CSMD3: variants seen among roughly 807,000 people sequenced by gnomAD.
CSMD3 encodes the protein CUB and Sushi multiple domains 3, also known as CUB and sushi domain-containing protein 3.
CSMD3 carries 177 observed loss-of-function variants against 435.2 expected under a neutral mutation model. The ratio of observed to expected loss-of-function variants is 0.41; its 90% CI spans 0.36 to 0.46. The LOEUF is 0.46. CSMD3 is among the 20% of genes least tolerant of loss of function. The pLI is 0.34. For missense variants in CSMD3, 4,265 were observed against 4,504.6 expected, an observed-to-expected ratio of 0.95 and a Z score of 1.52; for synonymous variants, 1,656 against 1,520.5, an observed-to-expected ratio of 1.09 and a Z score of -2.07.
intron 13 of CSMD3, among the ~76,000 whole-genome samples, chr8:112,762,985 G>A (rs1201088582): frequency 6.6e-6 from 1 of 151,648 alleles, no homozygotes; most frequent in Non-Finnish European, 1.5e-5. Flanking sequence ...GCGATGTATT[G>A]TACCTGATGA....
intron 3 of CSMD3, among the ~76,000 whole-genome samples, chr8:113,193,181 G>A (rs1306485195): frequency 3.3e-5 from 5 of 150,930 alleles, no homozygotes; most frequent in Non-Finnish European, 7.4e-5. Flanking sequence ...ATTCCATCTC[G>A]TATTCGTATT....
At chr8:112,317,554 T>A (rs1822589213) in intron 47 of CSMD3, among the ~76,000 whole-genome samples, 1 of 152,022 alleles carries the variant, frequency 6.6e-6, no homozygotes, top group Non-Finnish European at 1.5e-5. Flanking sequence ...CCTAAAGGTC[T>A]AGAGAGTAGC....
intron 11 of CSMD3, among the ~76,000 whole-genome samples, chr8:112,848,377 T>C (rs1587468469): frequency 6.6e-6 from 1 of 152,158 alleles, no homozygotes; most frequent in African/African-American, 2.4e-5. Context: ...TTAAAGCACC[T>C]AGTAATTTCC....
At chr8:112,273,935 CAAA>C (rs76030401) in intron 59 of CSMD3, among the ~76,000 whole-genome samples, 1 of 79,286 alleles carries the variant, frequency 1.3e-5, no homozygotes, top group African/African-American at 4.8e-5. Context: ...AGGTAACATA[CAAA>C]AAAAAAAAAA....
intron 9 of CSMD3, among the ~76,000 whole-genome samples, chr8:112,923,504 T>C (rs1222096966): frequency 1.3e-5 from 2 of 152,154 alleles, no homozygotes; most frequent in African/African-American, 4.8e-5. Flanking sequence ...CTTGCTGTTA[T>C]ATCAATCTGG....
At chr8:113,296,589 A>C (rs947328702) in intron 2 of CSMD3, among the ~76,000 whole-genome samples, 1 of 152,102 alleles carries the variant, frequency 6.6e-6, no homozygotes, top group Non-Finnish European at 1.5e-5. Context: ...CAAATAAAAT[A>C]TTTGTTGAAA....
intron 22 of CSMD3, among the ~76,000 whole-genome samples, chr8:112,594,002 T>A (rs1338361372): frequency 2.6e-5 from 4 of 152,094 alleles, no homozygotes; most frequent in African/African-American, 9.7e-5. Flanking sequence ...AAAGGAATAG[T>A]ACAGGGGAGG....
chr8:113,376,744 C>T lies in CSMD3; in HGVS notation c.178+59933G>A, dbSNP rs749923523. ...TAAGAGCCAGGATATCTACCTGAGGCTGTCTGTCGGTCAAGCTGTACAGGT... is the reference window on the plus strand; with the variant it reads ...TAAGAGCCAGGATATCTACCTGAGGTTGTCTGTCGGTCAAGCTGTACAGGT... On this transcript the variant is annotated intron_variant, in intron 1 of 70. Transcript: ENST00000297405. 1.2e-5 allele frequency: 19 copies of T among 1,613,846 alleles called. No individual in the cohort carries two copies. The Admixed American group carries it at 2.0e-4, about 17-fold the overall frequency.
Position 112,313,911 on chromosome 8 carries a change from T to A in CSMD3, c.7691A>T (p.Tyr2564Phe). ...GNNKKGFRIR[Y>F]IAFYCSTPES... ...AAGTTATAAGTTTTACATACCTATA[T>A]ATCTTATCCGGAAGCCTTTTTTGTT... The change falls in exon 49 of 71, where the codon TAT becomes TTT. Residue 2564 changes from tyrosine (Y) to phenylalanine (F), a missense_variant. Transcript: ENST00000297405. 6.2e-7 allele frequency: 1 copy of A among 1,609,732 alleles called. No individual in the cohort carries two copies. The highest frequency in any genetic ancestry group is 8.5e-7 in the Non-Finnish European group (1 of 1,176,396).
At chr8:112,402,848 A>G (rs961614110) in intron 35 of CSMD3, among the ~76,000 whole-genome samples, 1 of 152,222 alleles carries the variant, frequency 6.6e-6, no homozygotes, top group Non-Finnish European at 1.5e-5. Flanking sequence ...ACAGACATAT[A>G]GAAACATTTC....
chr8:113,320,251 T>C (rs537977761), intron 1 of CSMD3, among the ~76,000 whole-genome samples: 3 of 152,088 alleles, frequency 2.0e-5, no homozygotes, highest in South Asian at 2.1e-4. Flanking sequence ...CCTTATATTA[T>C]GTTTTTCAGA....
chr8:113,067,340 A>G (rs555760012), intron 5 of CSMD3, among the ~76,000 whole-genome samples: 1 of 152,146 alleles, frequency 6.6e-6, no homozygotes, highest in Non-Finnish European at 1.5e-5. Flanking sequence ...CTTCTTAGAC[A>G]TATGAAATGT....
At chr8:113,343,770 C>G (rs2094134774) in intron 1 of CSMD3, among the ~76,000 whole-genome samples, 2 of 152,066 alleles carry the variant, frequency 1.3e-5, no homozygotes, top group African/African-American at 4.8e-5. Context: ...ATAATTTTCT[C>G]TTAAAAATAA....
Position 112,404,515 on chromosome 8 carries a change from G to A in CSMD3, c.5809+2009C>T, listed in dbSNP as rs974633198. On this transcript the variant is annotated intron_variant, in intron 35 of 70. Coordinates refer to ENST00000297405, the MANE Select transcript of CSMD3 (RefSeq NM_198123.2). Reference sequence around the variant, plus strand: ...TGCACTCCAGCCTGAGTGACAGGGTGAGACTCCATAAAAAAAAAAAAAATT... The same window carrying A: ...TGCACTCCAGCCTGAGTGACAGGGTAAGACTCCATAAAAAAAAAAAAAATT... Among the ~76,000 whole-genome samples, 6 of 150,288 alleles carry A rather than the reference G, an allele frequency of 4.0e-5. No homozygotes were observed. In the East Asian group the frequency reaches 9.7e-4, roughly 24 times the overall value.
chr8:112,647,652 C>T (rs527678732), intron 19 of CSMD3, among the ~76,000 whole-genome samples: 120 of 152,184 alleles, frequency 7.9e-4, no homozygotes, highest in Non-Finnish European at 1.4e-3. Context: ...TGTCAGTATC[C>T]TTGTCTATGT....
chr8:112,602,202 A>C (rs1832411557), intron 22 of CSMD3, among the ~76,000 whole-genome samples: 1 of 152,234 alleles, frequency 6.6e-6, no homozygotes, highest in South Asian at 2.1e-4. Context: ...AAACTTTTAA[A>C]AGATTTTTTT....
intron 4 of CSMD3, among the ~76,000 whole-genome samples, chr8:113,126,675 G>A (rs1166998025): frequency 6.6e-6 from 1 of 151,856 alleles, no homozygotes; most frequent in Non-Finnish European, 1.5e-5. Context: ...GAAGGAGGAG[G>A]AAGGGGAAGG....
At chr8:113,406,727 G>A (rs1008879235) in intron 1 of CSMD3, among the ~76,000 whole-genome samples, 17 of 151,966 alleles carry the variant, frequency 1.1e-4, no homozygotes, top group East Asian at 3.9e-4. Context: ...CAGAGTATAT[G>A]TCCTAATTTA....
intron 13 of CSMD3, among the ~76,000 whole-genome samples, chr8:112,699,523 T>G (rs1368424631): frequency 6.6e-6 from 1 of 152,208 alleles, no homozygotes; most frequent in Admixed American, 6.5e-5. Context: ...GATTTTTGGC[T>G]GGATGTTTGA....
Sources: gnomAD v4.1 joint callset for allele counts (sites outside exome capture counted in the v4.1 genomes callset) on GRCh38, gnomAD v4.1.1 for gene constraint, MANE v1.5 for transcripts, NCBI Gene and HGNC (gene_info 2026-07-23, HGNC 2026-07-21) for gene names.